The following STXBP5L variants were observed in gnomAD, a reference collection of about 807,000 sequenced individuals.
The protein encoded by STXBP5L is syntaxin binding protein 5L.
Under a neutral mutation model 144.5 loss-of-function variants are expected in STXBP5L, and 65 were observed. The ratio of observed to expected loss-of-function variants is 0.45; its 90% CI spans 0.37 to 0.55. STXBP5L has a LOEUF of 0.55. Ranked by LOEUF, STXBP5L falls within the 20% of genes least tolerant of loss-of-function variation. The pLI, the probability that STXBP5L is intolerant of heterozygous loss-of-function variation, is 0.00. For missense variants in STXBP5L, 1,298 were observed against 1,405.5 expected (o/e 0.92, Z 1.22); for synonymous variants, 505 against 469.6 (o/e 1.08, Z -0.97).
intron 20 of STXBP5L, among the ~76,000 whole-genome samples, chr3:121,334,936 T>G (rs1327991434): frequency 6.6e-6 from 1 of 151,978 alleles, no homozygotes; most frequent in Non-Finnish European, 1.5e-5. Context: ...TTTAACAGAG[T>G]ATTGGAAGCC....
At chr3:121,145,135 A>C (rs965831770) in intron 7 of STXBP5L, among the ~76,000 whole-genome samples, 1 of 151,792 alleles carries the variant, frequency 6.6e-6, no homozygotes, top group Non-Finnish European at 1.5e-5. Flanking sequence ...TATATTTATA[A>C]ATTTGTTAAT....
At chr3:121,104,601 A>G (rs1320483230) in intron 5 of STXBP5L, among the ~76,000 whole-genome samples, 6 of 152,204 alleles carry the variant, frequency 3.9e-5, no homozygotes, top group Non-Finnish European at 8.8e-5. Context: ...CCAAACACTT[A>G]CAGCCAACTG....
intron 23 of STXBP5L, among the ~76,000 whole-genome samples, chr3:121,412,727 C>CAAA (rs35247157): frequency 0.024 from 1,633 of 69,100 alleles, 41 homozygotes; most frequent in African/African-American, 0.064. Context: ...TTTCTCCCTC[C>CAAA]AAAAAAAAAA....
chr3:120,950,013 A>C (rs1711101258), intron 2 of STXBP5L, among the ~76,000 whole-genome samples: 1 of 151,894 alleles, frequency 6.6e-6, no homozygotes, highest in South Asian at 2.1e-4. Context: ...CACAGTGTAG[A>C]CATACATCAA....
chr3:121,391,213 T>C (rs2046575448), intron 22 of STXBP5L, among the ~76,000 whole-genome samples: 1 of 152,250 alleles, frequency 6.6e-6, no homozygotes. Flanking sequence ...CATGAAGTTC[T>C]TGTGCCATGG....
intron 9 of STXBP5L, among the ~76,000 whole-genome samples, chr3:121,195,875 G>A (rs2047899501): frequency 6.6e-6 from 1 of 152,088 alleles, no homozygotes; most frequent in African/African-American, 2.4e-5. Context: ...CCTGCCCCCT[G>A]GGACACATTT....
chr3:121,010,612 A>G (rs1024926459), intron 3 of STXBP5L, among the ~76,000 whole-genome samples: 2 of 151,910 alleles, frequency 1.3e-5, no homozygotes, highest in South Asian at 2.1e-4. Context: ...GCCTGTGTAC[A>G]ACTTTTGACT....
intron 23 of STXBP5L, among the ~76,000 whole-genome samples, chr3:121,412,727 C>CAAAAA (rs35247157): frequency 9.1e-4 from 63 of 69,592 alleles, no homozygotes; most frequent in South Asian, 1.2e-3. Flanking sequence ...TTTCTCCCTC[C>CAAAAA]AAAAAAAAAA....
intron 5 of STXBP5L, among the ~76,000 whole-genome samples, chr3:121,100,941 A>G (rs944426300): frequency 4.6e-5 from 7 of 152,122 alleles, no homozygotes; most frequent in African/African-American, 1.7e-4. Context: ...AACATAAAAT[A>G]TCCTCCAAGA....
At chr3:121,333,598 A>G (rs923704156) in intron 20 of STXBP5L, among the ~76,000 whole-genome samples, 1 of 151,900 alleles carries the variant, frequency 6.6e-6, no homozygotes, top group African/African-American at 2.4e-5. Flanking sequence ...TAGGAGCTGG[A>G]TTTTTGAAAA....
At chr3:121,096,355 G>A (rs1384957382) in intron 5 of STXBP5L, among the ~76,000 whole-genome samples, 3 of 152,154 alleles carry the variant, frequency 2.0e-5, no homozygotes, top group Non-Finnish European at 4.4e-5. Flanking sequence ...GCCTACTTTT[G>A]TCAGTTAATC....
At position 121,300,261 on chromosome 3, in the gene STXBP5L, G is replaced by A. The variant is rs146408601; in HGVS notation, c.2111-18214G>A. ...AAAAATGAAAGTGCATGAATTAACA[G>A]ATCTGTACTATAAGAAATAGTAAAG... On this transcript the variant is annotated intron_variant, in intron 19 of 26. Transcript: ENST00000471454. Among the ~76,000 whole-genome samples the A allele has an allele frequency of 4.5e-3, 690 of 152,110 alleles. 4 individuals carry two copies. The highest frequency in any genetic ancestry group is 0.016 in the African/African-American group (658 of 41,502).
intron 7 of STXBP5L, among the ~76,000 whole-genome samples, chr3:121,126,800 T>C (rs931165171): frequency 9.2e-5 from 14 of 152,286 alleles, no homozygotes; most frequent in African/African-American, 3.4e-4. Flanking sequence ...ATCTGCAGGG[T>C]TGCATTCCTT....
chr3:121,366,060 G>T (rs1460771768), intron 20 of STXBP5L, among the ~76,000 whole-genome samples: 1 of 151,780 alleles, frequency 6.6e-6, no homozygotes, highest in Non-Finnish European at 1.5e-5. Flanking sequence ...CCACAAGTTT[G>T]TTAATTTCTC....
At position 121,020,815 on chromosome 3, in the gene STXBP5L, G is replaced by A. The variant is rs932594030; in HGVS notation, c.288-20885G>A. On this transcript the variant is annotated intron_variant, in intron 3 of 26. Coordinates refer to ENST00000471454, the MANE Select transcript of STXBP5L (RefSeq NM_001308330.2). ...TACACCAAAATAGAATCTACTTAAA[G>A]CATAAAACTCACAGTACCTATAAAA... Among the ~76,000 whole-genome samples, 4 of 149,132 alleles carry A rather than the reference G, an allele frequency of 2.7e-5. No individual in the cohort carries two copies. The East Asian group carries it at 7.8e-4, about 29-fold the overall frequency.
At chr3:121,019,619 A>C (rs1340574710) in intron 3 of STXBP5L, among the ~76,000 whole-genome samples, 1 of 152,146 alleles carries the variant, frequency 6.6e-6, no homozygotes, top group Non-Finnish European at 1.5e-5. Flanking sequence ...CTCCCCACCC[A>C]GTACCAGCCC....
chr3:121,056,345 G>C (rs1258148543), intron 5 of STXBP5L, among the ~76,000 whole-genome samples: 1 of 151,940 alleles, frequency 6.6e-6, no homozygotes, highest in Admixed American at 6.6e-5. Flanking sequence ...TTCAAATGTA[G>C]GCTACGATAT....
chr3:121,211,578 C>CTTTTTTTTTT (rs1188424283), intron 10 of STXBP5L, among the ~76,000 whole-genome samples: 1 of 110,258 alleles, frequency 9.1e-6, no homozygotes, highest in African/African-American at 3.5e-5. Context: ...TTTTTTCTTT[C>CTTTTTTTTTT]TTTTTTTTTT....
intron 9 of STXBP5L, chr3:121,158,383 A>G (rs1420459114): frequency 2.0e-5 from 3 of 152,150 alleles, no homozygotes; most frequent in Admixed American, 6.5e-5. Flanking sequence ...AGCGTTCGTT[A>G]TCATGTCACA....
Sources: allele counts gnomAD v4.1 joint callset (sites outside exome capture counted in the v4.1 genomes callset), GRCh38; gene constraint gnomAD v4.1.1; transcripts MANE v1.5; gene names NCBI Gene and HGNC (gene_info 2026-07-23, HGNC 2026-07-21).